CEP131: variants seen among roughly 807,000 people sequenced by gnomAD.
CEP131 encodes the protein centrosomal protein 131, also known as centrosomal protein of 131 kDa.
Under a neutral mutation model 136.8 loss-of-function variants are expected in CEP131, and 99 were observed. The observed-to-expected ratio is 0.72, with a 90% CI of 0.62 to 0.86. The LOEUF (loss-of-function observed/expected upper bound fraction) is 0.86, where lower values mean the gene tolerates loss of function less well. Ranked by LOEUF, CEP131 falls within the 40% of genes least tolerant of loss-of-function variation. The pLI is 0.00. For synonymous variants in CEP131, 646 were observed against 612.7 expected (o/e 1.05, Z -0.80); for missense variants, 1,459 against 1,463.0 (o/e 1.00, Z 0.04).
At chr17:81,220,264 C>T (rs963982693) in intron 1 of CEP131, among the ~76,000 whole-genome samples, 191 bp from the exon 2 acceptor site, 1 of 152,156 alleles carries the variant, frequency 6.6e-6, no homozygotes, top group Admixed American at 6.6e-5. Context: ...TGTTCTGAGC[C>T]CAATGTCAGT....
chr17:81,190,114 C>T, intron 24 of CEP131, 139 bp from the exon 25 acceptor site: 1 of 762,646 alleles, frequency 1.3e-6, no homozygotes, highest in Non-Finnish European at 2.1e-6. Context: ...GTGGCTGGCC[C>T]AGACAGCTGT....
rs759007955 is a variant in CEP131, at chr17:81,192,531, C to T, written c.2492G>A (p.Arg831Gln). The T allele has an allele frequency of 8.1e-6, 13 of 1,610,660 alleles. No individual in the cohort carries two copies. The East Asian group carries it at 1.1e-4, about 14-fold the overall frequency. ...QLEESSSALT[R>Q]ALRAEFEKGR... ...CTTCTCAAACTCAGCCCTCAGGGCTCGGGTCAGTGCAGAGCTGCTCTCCTC... is the reference window on the plus strand; with the variant it reads ...CTTCTCAAACTCAGCCCTCAGGGCTTGGGTCAGTGCAGAGCTGCTCTCCTC... Residue 831 changes from arginine (R) to glutamine (Q), a missense_variant, in exon 20 of 26, where the codon CGA becomes CAA. Coordinates refer to ENST00000450824, the MANE Select transcript of CEP131 (RefSeq NM_014984.4).
chr17:81,192,631 G>C lies in CEP131; in HGVS notation c.2430-38C>G, dbSNP rs756388071. The stretch of plus-strand genomic sequence containing the variant: ...AGGAGTCAGCAGGTGAGGGGTCATC[G>C]AGTAAGGAGTCAGGGATGGGAGAGG... On this transcript the variant is annotated intron_variant, in intron 19 of 25. Coordinates refer to ENST00000450824, the MANE Select transcript of CEP131 (RefSeq NM_014984.4). 4 of 1,418,264 alleles carry C rather than the reference G, an allele frequency of 2.8e-6. No individual in the cohort carries two copies. In the Admixed American group the frequency reaches 5.5e-5, roughly 20 times the overall value. The allele number at this position is 1,418,264 out of a possible 1,614,324, so 87.9% of individuals were successfully genotyped here. A position where few individuals can be genotyped will look rare whatever the true frequency, so the allele number is the denominator to read the frequency against.
Position 81,200,360 on chromosome 17 carries a change from C to T in CEP131, c.875G>A (p.Arg292His), listed in dbSNP as rs575624973. 203 of 1,590,184 alleles carry T rather than the reference C, an allele frequency of 1.3e-4. 1 individual carries two copies. The South Asian group carries it at 2.1e-3, about 16-fold the overall frequency. ...QVQRRGAGAA[R>H]LEHLLQAKRE... Reference sequence around the variant, plus strand: ...CTTGGCCTGAAGCAAGTGCTCCAGGCGGGCAGCTCCTGCTCCGCGCCGCTG... The same window carrying T: ...CTTGGCCTGAAGCAAGTGCTCCAGGTGGGCAGCTCCTGCTCCGCGCCGCTG... Residue 292 changes from arginine to histidine, a missense_variant, in exon 8 of 26, where the codon CGC becomes CAC. By Grantham distance (29) the Arg-to-His change is conservative (BLOSUM62 0). This residue lies in a region of CEP131 where 246 missense variants were observed against 318.9 expected (regional missense o/e 0.77). Transcript: ENST00000450824.
chr17:81,191,024 C>G lies in CEP131; in HGVS notation c.2826G>C (p.Arg942=). ...AELSELEQSE[R]KLQERCSELK... ...GCTCCGAGCACCGCTCCTGAAGCTT[C>G]CGCTCCGACTGCTCCAGCTCGGAGA... The change falls in exon 23 of 26, where the codon CGG becomes CGC. Residue 942 remains arginine (R), a synonymous_variant. Coordinates refer to ENST00000450824, the MANE Select transcript of CEP131 (RefSeq NM_014984.4). 1 of 1,610,634 alleles carries G rather than the reference C, an allele frequency of 6.2e-7. No homozygotes were observed. The highest frequency in any genetic ancestry group is 1.1e-5 in the South Asian group (1 of 91,084).
At chr17:81,193,824 G>T in intron 18 of CEP131, 102 bp downstream of exon 18, 1 of 1,312,452 alleles carries the variant, frequency 7.6e-7, no homozygotes, top group Non-Finnish European at 1.0e-6. Flanking sequence ...GCTGCACTAA[G>T]ACCCTCGCCC....
chr17:81,192,685 G>GGGGGGGGGGCGCCC, intron 19 of CEP131, 51 bp downstream of exon 19: 1 of 478,432 alleles, frequency 2.1e-6, no homozygotes, highest in Non-Finnish European at 4.1e-6. Flanking sequence ...GGGGGGAGGG[G>GGGGGGGGGGCGCCC]TCAGCCAGCG....
At chr17:81,195,009 G>A in intron 16 of CEP131, 37 bp from the exon 17 acceptor site, 1 of 1,534,198 alleles carries the variant, frequency 6.5e-7, no homozygotes. Context: ...ACGACACGAA[G>A]GACACCCCCG....
intron 7 of CEP131, among the ~76,000 whole-genome samples, chr17:81,201,595 A>G (rs1368435511): frequency 6.6e-6 from 1 of 152,174 alleles, no homozygotes; most frequent in Non-Finnish European, 1.5e-5. Context: ...CATACTATAA[A>G]ATCTACCCAT....
Position 81,191,383 on chromosome 17 carries a change from C to A in CEP131, c.2623-48G>T, listed in dbSNP as rs759690484. ...GGGGTTGCCACCCGGAGCCGGCCCG[C>A]GGGGCCAGGGCCAGCCTCAGGGGGT... On this transcript the variant is annotated intron_variant, in intron 21 of 25. Coordinates refer to ENST00000450824, the MANE Select transcript of CEP131 (RefSeq NM_014984.4). 28 of 1,606,882 alleles carry A rather than the reference C, an allele frequency of 1.7e-5. No individual in the cohort carries two copies. In the South Asian group the frequency reaches 3.0e-4, roughly 17 times the overall value.
rs767130099 is a variant in CEP131, at chr17:81,199,779, C to T, written c.963G>A (p.Glu321=). The change falls in exon 9 of 26, where the codon GAG becomes GAA. Residue 321 remains glutamate (E), a synonymous_variant. Coordinates refer to ENST00000450824, the MANE Select transcript of CEP131 (RefSeq NM_014984.4). ...GTLLDLHQQK[E]AARRKAREEK... is the part of the protein sequence containing the mutation. ...CCTCCCGGGCCTTCCTCCTGGCTGC[C>T]TCTTTCTGCTGGTGCAGGTCCAAGA... The T allele has an allele frequency of 4.2e-5, 67 of 1,611,622 alleles. No individual in the cohort carries two copies. Among genetic ancestry groups the T allele is most frequent in the Non-Finnish European group, 5.6e-5 (66 of 1,180,016 alleles).
rs116404948 is a variant in CEP131, at chr17:81,191,730, A to T, written c.2623-395T>A. 7.3e-3 allele frequency among the ~76,000 whole-genome samples: 1,118 copies of T among 152,256 alleles called. 18 individuals are homozygous for T. The highest frequency in any genetic ancestry group is 0.026 in the African/African-American group (1,078 of 41,566). ...AGCCTCTGAAAACTCCCAGAGTTTC[A>T]TCTGTCCAGCCCTGGGCCCCACAGG... On this transcript the variant is annotated intron_variant, in intron 21 of 25. Coordinates refer to ENST00000450824, the MANE Select transcript of CEP131 (RefSeq NM_014984.4).
intron 13 of CEP131, 76 bp from the exon 14 acceptor site, chr17:81,197,131 C>A (rs938677448): frequency 3.3e-6 from 5 of 1,497,540 alleles, no homozygotes; most frequent in Admixed American, 4.4e-5. Context: ...GATGCCCCTG[C>A]GGCCCTGCCC....
chr17:81,193,784 A>G, intron 18 of CEP131, 142 bp downstream of exon 18: 2 of 954,386 alleles, frequency 2.1e-6, no homozygotes, highest in Non-Finnish European at 3.0e-6. Flanking sequence ...GGGCCACTCC[A>G]GGGCCAAGGG....
chr17:81,207,752 AG>A (rs1366947249), intron 3 of CEP131, among the ~76,000 whole-genome samples: 1 of 151,748 alleles, frequency 6.6e-6, no homozygotes, highest in Non-Finnish European at 1.5e-5. Context: ...GGGGAAGCAC[AG>A]CTGGAAGGCA....
At chr17:81,194,172 C>A in intron 17 of CEP131, 45 bp from the exon 18 acceptor site, 1 of 1,445,288 alleles carries the variant, frequency 6.9e-7, no homozygotes, top group South Asian at 1.5e-5. Flanking sequence ...CTAGGGTGGG[C>A]CCGGGAAGTC....
chr17:81,194,140 C>A lies in CEP131; in HGVS notation c.2120-13G>T. 1 of 1,508,696 alleles carries A rather than the reference C, an allele frequency of 6.6e-7. No individual in the cohort carries two copies. The highest frequency in any genetic ancestry group is 8.9e-7 in the Non-Finnish European group (1 of 1,129,490). The allele number at this position is 1,508,696 out of a possible 1,614,324, so 93.5% of individuals were successfully genotyped here. On this transcript the variant is annotated splice_polypyrimidine_tract_variant and intron_variant, in intron 17 of 25. Coordinates refer to ENST00000450824, the MANE Select transcript of CEP131 (RefSeq NM_014984.4). ...TCGGGCTCCAGACCTGGGGGCGGGG[C>A]ACCAGCTAGGGCCACGTCCAGCTAG...
chr17:81,218,257 G>T (rs2062299716), intron 2 of CEP131, among the ~76,000 whole-genome samples: 1 of 152,170 alleles, frequency 6.6e-6, no homozygotes, highest in African/African-American at 2.4e-5. Context: ...TGGCCAGGCT[G>T]GTATTGAACT....
At position 81,190,969 on chromosome 17, in the gene CEP131, C is replaced by A; in HGVS notation, c.2881G>T (p.Glu961Ter). 6.2e-7 allele frequency: 1 copy of A among 1,606,120 alleles called. No individual in the cohort carries two copies. Residue 961 changes from glutamate to a stop codon, truncating the protein, a stop_gained, in exon 23 of 26, where the codon GAG (glutamate) becomes TAG (stop). Coordinates refer to ENST00000450824, the MANE Select transcript of CEP131 (RefSeq NM_014984.4). LOFTEE classifies it high-confidence loss of function. ...LKGQLGEAEG[E>*]NLRLQGLVRQ... ...ACAAGGCCCTGCAGACGCAGATTCT[C>A]GCCCTCGGCCTCCCCAAGCTGGCCC...
Sources: gnomAD v4.1 joint callset for allele counts (sites outside exome capture counted in the v4.1 genomes callset) on GRCh38, gnomAD v4.1.1 for gene constraint, gnomAD v4.1.1 regional missense constraint, MANE v1.5 for transcripts, NCBI Gene and HGNC (gene_info 2026-07-23, HGNC 2026-07-21) for gene names.